Variants in DMRT2 observed in about 807,000 individuals in gnomAD.
The protein encoded by DMRT2 is doublesex and mab-3 related transcription factor 2.
A neutral mutation model predicts 43.5 loss-of-function variants in DMRT2; 33 were observed. The observed-to-expected ratio is 0.76, with a 90% confidence interval of 0.58 to 1.01. The LOEUF is 1.01. Among genes scored for constraint, DMRT2 ranks in the 50% least tolerant of loss-of-function variants. The probability of loss-of-function intolerance (pLI) is 0.00; values close to 1 mark genes in which losing one functional copy is unlikely to be tolerated. For missense variants in DMRT2, 1,064 were observed against 748.0 expected (o/e 1.42, Z -4.93); for synonymous variants, 395 against 309.2 (o/e 1.28, Z -2.91).
At chr9:1,055,700 C>G (rs1821931185) in intron 3 of DMRT2, 2 of 1,464,106 alleles carry the variant, frequency 1.4e-6, no homozygotes, top group Non-Finnish European at 1.8e-6. Flanking sequence ...CTTTAACTTT[C>G]TTTCTTTCTC....
chr9:1,057,266 C>T lies in DMRT2; in HGVS notation c.1679C>T (p.Ser560Phe), dbSNP rs1330594430. ...CCTTCATCTGCCATCACTCGTGTCT[C>T]TCAGTGAAAGGCTGCTTAAACAGAA... Reference protein sequence around the residue: ...KRPSSAITRVSQ With the variant: ...KRPSSAITRVFQ Residue 560 changes from serine (S) to phenylalanine (F), a missense_variant, in exon 4 of 4, where the codon TCT (serine) becomes TTT (phenylalanine). Coordinates refer to ENST00000358146, the MANE Select transcript of DMRT2 (RefSeq NM_181872.6). The T allele has an allele frequency of 6.2e-7, 1 of 1,607,872 alleles. No homozygotes were observed. The highest frequency in any genetic ancestry group is 8.5e-7 in the Non-Finnish European group (1 of 1,177,590).
rs959425855 is a variant in DMRT2, at chr9:1,056,201, C to A, written c.629-15C>A. Reference sequence around the variant, plus strand: ...GATGTTAATCTCTTTCATGTGCAATCTTTGCTTCTTGTAGGCTATCGCCCC... The same window carrying A: ...GATGTTAATCTCTTTCATGTGCAATATTTGCTTCTTGTAGGCTATCGCCCC... On this transcript the variant is annotated splice_polypyrimidine_tract_variant and intron_variant, in intron 3 of 3. Transcript: ENST00000358146. 3 of 1,582,530 alleles carry A rather than the reference C, an allele frequency of 1.9e-6. No individual in the cohort carries two copies. The African/African-American group carries it at 4.1e-5, about 22-fold the overall frequency.
Position 1,050,424 on chromosome 9 carries a change from G to T in DMRT2, c.-396G>T, listed in dbSNP as rs1051273396. 6.6e-6 allele frequency: 1 copy of T among 152,256 alleles called. No individual in the cohort carries two copies. Among genetic ancestry groups the T allele is most frequent in the Non-Finnish European group, 1.5e-5 (1 of 68,066 alleles). The allele number at this position is 152,256 out of a possible 1,614,324, so 9.4% of individuals were successfully genotyped here. A position where few individuals can be genotyped will look rare whatever the true frequency, so the allele number is the denominator to read the frequency against. On this transcript the variant is annotated 5_prime_UTR_variant, in exon 1 of 4. Transcript: ENST00000358146. ...AGCCAGCGATCTGAGCCAGGCGGGG[G>T]CGGCCCGACCTTTCCCGCCCAGCCT...
rs1462015489 is a variant in DMRT2 at position 1,050,474 on chromosome 9, C to T, written c.-346C>T. ...TGGGTCAGAGGAAGCCGAAAGCGGCCTCAGCAAGGTGAGGCGCCCGAGGCT... is the reference window on the plus strand; with the variant it reads ...TGGGTCAGAGGAAGCCGAAAGCGGCTTCAGCAAGGTGAGGCGCCCGAGGCT... On this transcript the variant is annotated 5_prime_UTR_variant, in exon 1 of 4. Transcript: ENST00000358146. The T allele has an allele frequency of 2.0e-5, 3 of 152,272 alleles. No homozygotes were observed. Among genetic ancestry groups the T allele is most frequent in the Admixed American group, 1.3e-4 (2 of 15,278 alleles). The allele number at this position is 152,272 out of a possible 1,614,324, so 9.4% of individuals were successfully genotyped here.
intron 3 of DMRT2, among the ~76,000 whole-genome samples, chr9:1,055,251 C>A (rs1192257784): frequency 6.6e-6 from 1 of 152,110 alleles, no homozygotes; most frequent in Non-Finnish European, 1.5e-5. Context: ...TATGTAAACA[C>A]AAATATAACA....
intron 2 of DMRT2, 100 bp from the exon 3 acceptor site, chr9:1,053,622 G>C: frequency 1.0e-6 from 1 of 999,540 alleles, no homozygotes; most frequent in Non-Finnish European, 1.5e-6. Flanking sequence ...ACATTTAGAA[G>C]GGGGAGAGTT....
chr9:1,051,492 A>T lies in DMRT2; in HGVS notation c.-44-78A>T. On this transcript the variant is annotated intron_variant, in intron 1 of 3. Coordinates refer to ENST00000358146, the MANE Select transcript of DMRT2 (RefSeq NM_181872.6). The surrounding 1 kb of genome is among the most constrained non-coding windows in gnomAD (Gnocchi z 5.9). ...TCAAGCGGCCGGAGGCGGGCAGACC[A>T]GGAGCTTTGGGCCGGAGGCTCAGGG... 2 of 1,397,094 alleles carry T rather than the reference A, an allele frequency of 1.4e-6. No individual in the cohort carries two copies. Among genetic ancestry groups the T allele is most frequent in the Non-Finnish European group, 1.8e-6 (2 of 1,083,190 alleles). The allele number at this position is 1,397,094 out of a possible 1,614,324, so 86.5% of individuals were successfully genotyped here. A position where few individuals can be genotyped will look rare whatever the true frequency, so the allele number is the denominator to read the frequency against.
chr9:1,055,897 G>A, intron 3 of DMRT2: 3 of 1,462,998 alleles, frequency 2.1e-6, no homozygotes, highest in South Asian at 3.2e-5. Context: ...AATGCGTAGG[G>A]GGCCTGGGAA....
chr9:1,051,647 G>C lies in DMRT2; in HGVS notation c.34G>C (p.Asp12His). 1.9e-6 allele frequency: 3 copies of C among 1,569,006 alleles called. No homozygotes were observed. The highest frequency in any genetic ancestry group is 1.7e-4 in the Middle Eastern group (1 of 5,968). The change falls in exon 2 of 4, where the codon GAC (aspartate) becomes CAC (histidine). Residue 12 changes from aspartate (D) to histidine (H), a missense_variant. Coordinates refer to ENST00000358146, the MANE Select transcript of DMRT2 (RefSeq NM_181872.6). This position sits in a 1 kb window ranked among gnomAD's most constrained non-coding sequence, Gnocchi z 5.9. ...CCCGCAGGCTGGCTCCGCGGCCGGG[G>C]ACTGGGAGATCGATGTCGAGAGCCT... The part of the protein sequence containing the change: ...ADPQAGSAAG[D>H]WEIDVESLEL...
intron 2 of DMRT2, among the ~76,000 whole-genome samples, chr9:1,052,586 A>G (rs1821676439): frequency 6.6e-6 from 1 of 152,024 alleles, no homozygotes; most frequent in South Asian, 2.1e-4. Flanking sequence ...TCGGTGCTTC[A>G]GCTGTCACCT....
In DMRT2 at chr9:1,057,240, G is replaced by A. The variant is rs1822070385; in HGVS notation, c.1653G>A (p.Arg551=). 5 of 1,612,056 alleles carry A rather than the reference G, an allele frequency of 3.1e-6. No homozygotes were observed. Among genetic ancestry groups the A allele is most frequent in the Non-Finnish European group, 4.2e-6 (5 of 1,179,330 alleles). ...TTTCTGTTGAGTCTATTCTTAAGAGGCCTTCATCTGCCATCACTCGTGTCT... is the reference window on the plus strand; with the variant it reads ...TTTCTGTTGAGTCTATTCTTAAGAGACCTTCATCTGCCATCACTCGTGTCT... ...LSFSVESILK[R]PSSAITRVSQ The change falls in exon 4 of 4, where the codon AGG becomes AGA. Residue 551 remains arginine (R), a synonymous_variant. Transcript: ENST00000358146.
chr9:1,055,079 C>T (rs1304297026), intron 3 of DMRT2, among the ~76,000 whole-genome samples: 2 of 152,144 alleles, frequency 1.3e-5, no homozygotes, highest in African/African-American at 4.8e-5. Flanking sequence ...AATAGGGCCA[C>T]ATTGATAAAC....
intron 2 of DMRT2, 62 bp downstream of exon 2, chr9:1,052,200 GC>G: frequency 3.1e-6 from 4 of 1,279,874 alleles, no homozygotes; most frequent in Non-Finnish European, 3.0e-6. Context: ...TTGGAGGGGA[GC>G]GGGGCGGCCG....
Position 1,056,944 on chromosome 9 carries a change from A to T in DMRT2, c.1357A>T (p.Thr453Ser). 2 of 1,614,210 alleles carry T rather than the reference A, an allele frequency of 1.2e-6. No individual in the cohort carries two copies. The highest frequency in any genetic ancestry group is 1.7e-6 in the Non-Finnish European group (2 of 1,180,040). Residue 453 changes from threonine to serine, a missense_variant, in exon 4 of 4, where the codon ACG becomes TCG. Physicochemically the swap from Thr to Ser is moderately conservative, Grantham distance 58. Coordinates refer to ENST00000358146, the MANE Select transcript of DMRT2 (RefSeq NM_181872.6). ...DSLAAQGHVL[T>S]KISKENTRHP... is the part of the protein sequence containing the mutation. Reference sequence around the variant, plus strand: ...CCTGGCAGCTCAAGGGCATGTCTTAACGAAGATCAGCAAAGAAAACACCAG... The same window carrying T: ...CCTGGCAGCTCAAGGGCATGTCTTATCGAAGATCAGCAAAGAAAACACCAG...
chr9:1,054,367 G>GTCTGGAAGT (rs1485137922), intron 3 of DMRT2, among the ~76,000 whole-genome samples: 1 of 151,228 alleles, frequency 6.6e-6, no homozygotes, highest in Non-Finnish European at 1.5e-5. Context: ...AAGCCGTTTA[G>GTCTGGAAGT]TCTGGAAGTT....
At chr9:1,054,750 T>G (rs1183121593) in intron 3 of DMRT2, 1 of 152,370 alleles carries the variant, frequency 6.6e-6, no homozygotes, top group African/African-American at 2.4e-5. Context: ...AATTAATGTT[T>G]GCTTTAATCA....
chr9:1,054,535 G>C (rs1380329580), intron 3 of DMRT2: 2 of 152,004 alleles, frequency 1.3e-5, no homozygotes, highest in African/African-American at 4.8e-5. Context: ...AGTGGAGGTT[G>C]AATGCGAACA....
At chr9:1,053,892 G>C (rs897327482) in intron 3 of DMRT2, 68 bp downstream of exon 3, 7 of 1,345,640 alleles carry the variant, frequency 5.2e-6, no homozygotes, top group Non-Finnish European at 7.4e-6. Flanking sequence ...TCAGCACAAA[G>C]TGTGTTTATT....
rs1221362531 is a variant in DMRT2, at chr9:1,053,792, C to A, written c.596C>A (p.Ala199Asp). 6.4e-5 allele frequency: 104 copies of A among 1,613,806 alleles called. No individual in the cohort carries two copies. Among genetic ancestry groups the A allele is most frequent in the Non-Finnish European group, 8.8e-5 (104 of 1,179,940 alleles). Residue 199 changes from alanine (A) to aspartate (D), a missense_variant, in exon 3 of 4, where the codon GCC (alanine) becomes GAC (aspartate). Ala to Asp is a moderately radical substitution (Grantham distance 126, BLOSUM62 -2). Coordinates refer to ENST00000358146, the MANE Select transcript of DMRT2 (RefSeq NM_181872.6). ...GCTGTGTACCAGAGGCAAGTCAGAG[C>A]CCCCAGTTTGCTGGCCAAAAGCATT... ...RKAVYQRQVR[A>D]PSLLAKSILE...
Sources: allele counts gnomAD v4.1 joint callset (sites outside exome capture counted in the v4.1 genomes callset), GRCh38; gene constraint gnomAD v4.1.1; non-coding constraint Gnocchi (gnomAD v3.1); transcripts MANE v1.5; gene names NCBI Gene and HGNC (gene_info 2026-07-23, HGNC 2026-07-21).